The following DLX1 variants were observed in gnomAD, a reference collection of about 807,000 sequenced individuals.
The protein encoded by DLX1 is homeobox protein DLX-1.
DLX1 carries 7 observed loss-of-function variants against 25.0 expected under a neutral mutation model. That is an observed-to-expected ratio of 0.28 (90% CI 0.16 to 0.52). The LOEUF is 0.52. Among genes scored for constraint, DLX1 ranks in the 20% least tolerant of loss-of-function variants. The pLI is 0.96. For synonymous variants in DLX1, 155 were observed against 140.3 expected (o/e 1.10, Z -0.74); for missense variants, 233 against 334.4 (o/e 0.70, Z 2.37).
At chr2:172,086,056 G>A in intron 1 of DLX1, 66 bp downstream of exon 1, 1 of 1,456,666 alleles carries the variant, frequency 6.9e-7, no homozygotes, top group Non-Finnish European at 9.3e-7. Flanking sequence ...GAAGGAGCGG[G>A]GGAGAAGAGG....
In DLX1 at chr2:172,085,816, T is replaced by A; in HGVS notation, c.139T>A (p.Ser47Thr). 2 of 1,614,154 alleles carry A rather than the reference T, an allele frequency of 1.2e-6. No homozygotes were observed. Among genetic ancestry groups the A allele is most frequent in the Non-Finnish European group, 1.7e-6 (2 of 1,180,034 alleles). Reference sequence around the variant, plus strand: ...GCACTACTCCATGCACTGTTTACACTCGGCGGGCCATTCGCAGCCCGACGG... The same window carrying A: ...GCACTACTCCATGCACTGTTTACACACGGCGGGCCATTCGCAGCCCGACGG... ...HGHYSMHCLH[S>T]AGHSQPDGAY... Residue 47 changes from serine (S) to threonine (T), a missense_variant, in exon 1 of 3, where the codon TCG becomes ACG. By Grantham distance (58) the Ser-to-Thr change is moderately conservative (BLOSUM62 1). Around this residue, in one of 3 missense-constraint regions of DLX1, gnomAD observed 126 missense variants for 170.4 expected, o/e 0.74. Transcript: ENST00000361725. This position sits in a 1 kb window ranked among gnomAD's most constrained non-coding sequence, Gnocchi z 4.3.
At chr2:172,086,934 T>G in intron 2 of DLX1, 81 bp downstream of exon 2, 1 of 1,442,906 alleles carries the variant, frequency 6.9e-7, no homozygotes, top group Non-Finnish European at 9.8e-7. Flanking sequence ...TGTTGCTCGC[T>G]GGGACTCAGG....
chr2:172,089,035 G>A lies in DLX1; in HGVS notation c.*778G>A, dbSNP rs1222982270. 6.6e-6 allele frequency: 1 copy of A among 152,172 alleles called. No homozygotes were observed. The allele number at this position is 152,172 out of a possible 1,614,324, so 9.4% of individuals were successfully genotyped here. ...TGGTATGGAGAGTTTGGAGCCGAAT[G>A]ATTTGCATTTTTTACATGTCCGACA... On this transcript the variant is annotated 3_prime_UTR_variant, in exon 3 of 3. Transcript: ENST00000361725.
intron 1 of DLX1, chr2:172,086,287 C>G: frequency 2.0e-6 from 1 of 487,852 alleles, no homozygotes; most frequent in Non-Finnish European, 3.6e-6. Context: ...GTGCAGAGCA[C>G]ACAATGCCCC....
rs1255305580 is a variant in DLX1 at position 172,085,667 on chromosome 2, C to T, written c.-11C>T. ...GAGAGAAAGTCCCACACCCAGACCC[C>T]GCGAGAAGAGATGACCATGACCACC... On this transcript the variant is annotated 5_prime_UTR_variant, in exon 1 of 3. Transcript: ENST00000361725. This position sits in a 1 kb window ranked among gnomAD's most constrained non-coding sequence, Gnocchi z 4.3. 2 of 1,609,054 alleles carry T rather than the reference C, an allele frequency of 1.2e-6. No individual in the cohort carries two copies. Among genetic ancestry groups the T allele is most frequent in the Non-Finnish European group, 1.7e-6 (2 of 1,177,296 alleles).
In DLX1 at chr2:172,088,262, GCCCGCCCGTCTC is replaced by G. The variant is rs1434444656; in HGVS notation, c.*7_*18del. ...CAGCAACCCCAACTTATGTGAGGTT[GCCCGCCCGTCTC>G]CTTCTTGTCTCCCCGGCCCAGGTCC... On this transcript the variant is annotated 3_prime_UTR_variant, in exon 3 of 3. Transcript: ENST00000361725. The G allele has an allele frequency of 3.4e-6, 5 of 1,457,896 alleles. No individual in the cohort carries two copies. Among genetic ancestry groups the G allele is most frequent in the Non-Finnish European group, 4.6e-6 (5 of 1,096,210 alleles). 90.3% of individuals were successfully genotyped at this position (1,457,896 alleles called of 1,614,324 possible). A position where few individuals can be genotyped will look rare whatever the true frequency, so the allele number is the denominator to read the frequency against.
In DLX1 at chr2:172,086,673, C is replaced by A. The variant is rs1273928670; in HGVS notation, c.333C>A (p.Ser111Arg). Residue 111 changes from serine to arginine, a missense_variant, in exon 2 of 3, where the codon AGC becomes AGA. Ser to Arg is a moderately radical substitution (Grantham distance 110). Around this residue, in one of 3 missense-constraint regions of DLX1, gnomAD observed 126 missense variants for 170.4 expected, o/e 0.74. Coordinates refer to ENST00000361725, the MANE Select transcript of DLX1 (RefSeq NM_178120.5). Reference protein sequence around the residue: ...LEDPGADSEKSTVVEGGEVRF... With the variant: ...LEDPGADSEKRTVVEGGEVRF... ...CTCCAGGGGCGGACTCGGAGAAGAG[C>A]ACGGTGGTGGAAGGCGGTGAAGTGC... 3.2e-6 allele frequency: 5 copies of A among 1,544,854 alleles called. No homozygotes were observed. Among genetic ancestry groups the A allele is most frequent in the Non-Finnish European group, 4.4e-6 (5 of 1,144,918 alleles).
rs1221446700 is a variant in DLX1 at position 172,086,431 on chromosome 2, C to A, written c.314-223C>A. ...CTGCAAAAATAGCAAACTTTCCCTG[C>A]AAAGGCAGGAGCTGAGCTCCTGGGA... On this transcript the variant is annotated intron_variant, in intron 1 of 2. Coordinates refer to ENST00000361725, the MANE Select transcript of DLX1 (RefSeq NM_178120.5). 4 of 492,200 alleles carry A rather than the reference C, an allele frequency of 8.1e-6. No homozygotes were observed. The Admixed American group carries it at 1.5e-4, about 19-fold the overall frequency. 30.5% of individuals were successfully genotyped at this position (492,200 alleles called of 1,614,324 possible).
Position 172,085,950 on chromosome 2 carries a change from G to A in DLX1, c.273G>A (p.Pro91=), listed in dbSNP as rs748089038. 56 of 1,613,676 alleles carry A rather than the reference G, an allele frequency of 3.5e-5. No individual in the cohort carries two copies. The Admixed American group carries it at 8.8e-4, about 25-fold the overall frequency. Residue 91 remains proline, a synonymous_variant, in exon 1 of 3, where the codon CCG becomes CCA. Transcript: ENST00000361725. The surrounding 1 kb of genome is among the most constrained non-coding windows in gnomAD (Gnocchi z 4.3). ...SPYISSVQSY[P]GSASLAQSRL... Reference sequence around the variant, plus strand: ...ACATCAGTTCGGTGCAGTCCTACCCGGGCAGCGCCAGCCTCGCCCAGAGCC... The same window carrying A: ...ACATCAGTTCGGTGCAGTCCTACCCAGGCAGCGCCAGCCTCGCCCAGAGCC...
Position 172,085,950 on chromosome 2 carries a change from G to C in DLX1, c.273G>C (p.Pro91=). 1 of 1,613,794 alleles carries C rather than the reference G, an allele frequency of 6.2e-7. No homozygotes were observed. The change falls in exon 1 of 3, where the codon CCG becomes CCC. Residue 91 remains proline, a synonymous_variant. Transcript: ENST00000361725. The surrounding 1 kb of genome is among the most constrained non-coding windows in gnomAD (Gnocchi z 4.3). Reference sequence around the variant, plus strand: ...ACATCAGTTCGGTGCAGTCCTACCCGGGCAGCGCCAGCCTCGCCCAGAGCC... The same window carrying C: ...ACATCAGTTCGGTGCAGTCCTACCCCGGCAGCGCCAGCCTCGCCCAGAGCC... ...SPYISSVQSY[P]GSASLAQSRL... is the part of the protein sequence containing the mutation.
Position 172,086,792 on chromosome 2 carries a change from A to G in DLX1, c.452A>G (p.Gln151Arg). Residue 151 changes from glutamine to arginine, a missense_variant, in exon 2 of 3, where the codon CAG (glutamine) becomes CGG (arginine). Gln to Arg is a conservative substitution (Grantham distance 43). Transcript: ENST00000361725. ...QALNRRFQQT[Q>R]YLALPERAEL... Reference sequence around the variant, plus strand: ...TTGAACCGGAGGTTCCAGCAAACTCAGTACCTAGCTCTGCCGGAGAGGGCG... The same window carrying G: ...TTGAACCGGAGGTTCCAGCAAACTCGGTACCTAGCTCTGCCGGAGAGGGCG... 1 of 1,614,206 alleles carries G rather than the reference A, an allele frequency of 6.2e-7. No homozygotes were observed. The highest frequency in any genetic ancestry group is 8.5e-7 in the Non-Finnish European group (1 of 1,180,006).
chr2:172,089,308 C>G lies in DLX1; in HGVS notation c.*1051C>G, dbSNP rs1186381620. 1 of 152,176 alleles carries G rather than the reference C, an allele frequency of 6.6e-6. No homozygotes were observed. The highest frequency in any genetic ancestry group is 1.5e-5 in the Non-Finnish European group (1 of 67,936). The allele number at this position is 152,176 out of a possible 1,614,324, so 9.4% of individuals were successfully genotyped here. On this transcript the variant is annotated 3_prime_UTR_variant, in exon 3 of 3. Transcript: ENST00000361725. The stretch of plus-strand genomic sequence containing the variant: ...ACAACAATCCCTAGAGGCTCGACCA[C>G]AGAATAATGCCAGTCACCACCCTGA...
intron 2 of DLX1, 42 bp downstream of exon 2, chr2:172,086,895 C>A: frequency 1.2e-6 from 2 of 1,606,880 alleles, no homozygotes; most frequent in Admixed American, 1.7e-5. Context: ...GCAGGCTTTC[C>A]GCGGCCGGCC....
At chr2:172,086,953 G>A in intron 2 of DLX1, 100 bp downstream of exon 2, 1 of 1,208,524 alleles carries the variant, frequency 8.3e-7, no homozygotes, top group Non-Finnish European at 1.2e-6. Flanking sequence ...GGGTCGGGGT[G>A]TCACTGTGTG....
Position 172,086,715 on chromosome 2 carries a change from A to T in DLX1, c.375A>T (p.Gly125=). ...EGGEVRFNGK[G]KKIRKPRTIY... ...GTGAAGTGCGCTTCAATGGCAAGGGAAAAAAGATCCGTAAACCCAGGACGA... is the reference window on the plus strand; with the variant it reads ...GTGAAGTGCGCTTCAATGGCAAGGGTAAAAAGATCCGTAAACCCAGGACGA... The change falls in exon 2 of 3, where the codon GGA becomes GGT. Residue 125 remains glycine, a synonymous_variant. Coordinates refer to ENST00000361725, the MANE Select transcript of DLX1 (RefSeq NM_178120.5). 1 of 1,581,042 alleles carries T rather than the reference A, an allele frequency of 6.3e-7. No individual in the cohort carries two copies. The highest frequency in any genetic ancestry group is 8.6e-7 in the Non-Finnish European group (1 of 1,161,546).
intron 2 of DLX1, 34 bp downstream of exon 2, chr2:172,086,887 A>G (rs1454692721): frequency 1.9e-6 from 3 of 1,612,442 alleles, no homozygotes; most frequent in Non-Finnish European, 2.5e-6. Context: ...TCTGCCACGC[A>G]GGCTTTCCGC....
chr2:172,086,691 T>A lies in DLX1; in HGVS notation c.351T>A (p.Gly117=), dbSNP rs1690844678. The A allele has an allele frequency of 1.3e-6, 2 of 1,559,526 alleles. No homozygotes were observed. The highest frequency in any genetic ancestry group is 1.8e-5 in the Admixed American group (1 of 54,218). The change falls in exon 2 of 3, where the codon GGT becomes GGA. Residue 117 remains glycine, a synonymous_variant. Transcript: ENST00000361725. ...DSEKSTVVEG[G]EVRFNGKGKK... ...AGAAGAGCACGGTGGTGGAAGGCGG[T>A]GAAGTGCGCTTCAATGGCAAGGGAA...
rs949666486 is a variant in DLX1, at chr2:172,089,324, A to G, written c.*1067A>G. ...GCTCGACCACAGAATAATGCCAGTC[A>G]CCACCCTGAACGCACAATCTCCAGT... is the stretch of plus-strand genomic sequence containing the variant. On this transcript the variant is annotated 3_prime_UTR_variant, in exon 3 of 3. Coordinates refer to ENST00000361725, the MANE Select transcript of DLX1 (RefSeq NM_178120.5). The G allele has an allele frequency of 2.0e-5, 3 of 152,436 alleles. No individual in the cohort carries two copies. Among genetic ancestry groups the G allele is most frequent in the African/African-American group, 7.2e-5 (3 of 41,440 alleles). 9.4% of individuals were successfully genotyped at this position (152,436 alleles called of 1,614,324 possible).
Position 172,088,112 on chromosome 2 carries a change from G to T in DLX1, c.623G>T (p.Gly208Val), listed in dbSNP as rs1458562472. The T allele has an allele frequency of 1.9e-6, 3 of 1,606,450 alleles. No individual in the cohort carries two copies. The highest frequency in any genetic ancestry group is 2.3e-5 in the East Asian group (1 of 44,320). Residue 208 changes from glycine (G) to valine (V), a missense_variant, in exon 3 of 3, where the codon GGC becomes GTC. Coordinates refer to ENST00000361725, the MANE Select transcript of DLX1 (RefSeq NM_178120.5). ...ALANGRALSA[G>V]SPPVPPGWNP... ...GCCAACGGTCGGGCCCTGTCTGCTG[G>T]CTCCCCACCCGTGCCGCCCGGCTGG...
Sources: gnomAD v4.1 joint callset for allele counts on GRCh38, gnomAD v4.1.1 for gene constraint, gnomAD v4.1.1 regional missense constraint, Gnocchi (gnomAD v3.1) non-coding constraint, MANE v1.5 for transcripts, NCBI Gene and HGNC (gene_info 2026-07-23, HGNC 2026-07-21) for gene names.